The following PLCL1 variants were observed in gnomAD, a reference collection of about 807,000 sequenced individuals.
PLCL1 encodes phospholipase C like 1 (inactive).
PLCL1 carries 41 observed loss-of-function variants against 84.4 expected under a neutral mutation model. That is an observed-to-expected ratio of 0.49 (90% CI 0.38 to 0.63). PLCL1 has a LOEUF of 0.63. PLCL1 is among the 30% of genes least tolerant of loss of function. The pLI, the probability that PLCL1 is intolerant of heterozygous loss-of-function variation, is 0.00. For synonymous variants in PLCL1, 490 were observed against 488.3 expected, an observed-to-expected ratio of 1.00 and a Z score of -0.05; for missense variants, 1,206 against 1,367.8, an observed-to-expected ratio of 0.88 and a Z score of 1.87.
At chr2:198,007,827 A>G (rs1574242125) in intron 1 of PLCL1, among the ~76,000 whole-genome samples, 2 of 152,172 alleles carry the variant, frequency 1.3e-5, no homozygotes, top group Non-Finnish European at 2.9e-5. Context: ...CATAAAAGAT[A>G]TAATGTTTAT....
At chr2:198,130,310 G>C (rs568468180) in intron 5 of PLCL1, among the ~76,000 whole-genome samples, 4 of 152,170 alleles carry the variant, frequency 2.6e-5, no homozygotes, top group African/African-American at 7.2e-5. Flanking sequence ...TCGTTTGCAG[G>C]TTCCCTTTCC....
chr2:197,967,277 A>G (rs1366959058), intron 1 of PLCL1, among the ~76,000 whole-genome samples: 1 of 152,018 alleles, frequency 6.6e-6, no homozygotes, highest in Non-Finnish European at 1.5e-5. Context: ...GCTCACTGCA[A>G]CCTCCGCCTC....
At chr2:198,007,658 C>T (rs1189776324) in intron 1 of PLCL1, among the ~76,000 whole-genome samples, 1 of 152,126 alleles carries the variant, frequency 6.6e-6, no homozygotes, top group African/African-American at 2.4e-5. Context: ...GGGTCAGTTA[C>T]ATCAACTTCA....
Position 197,907,295 on chromosome 2 carries a change from G to T in PLCL1, c.240+101956G>T, listed in dbSNP as rs530351593. On this transcript the variant is annotated intron_variant, in intron 1 of 5. Transcript: ENST00000428675. ...GCTCTGTCACCCAGGCTGAAGTGCA[G>T]TGGTGTGATCTTGGCTCACTGCAAC... 3.3e-5 allele frequency among the ~76,000 whole-genome samples: 5 copies of T among 152,014 alleles called. No homozygotes were observed. The South Asian group carries it at 1.0e-3, about 32-fold the overall frequency.
At chr2:197,862,570 G>T (rs1041561662) in intron 1 of PLCL1, among the ~76,000 whole-genome samples, 3 of 152,144 alleles carry the variant, frequency 2.0e-5, no homozygotes, top group Admixed American at 6.6e-5. Context: ...TGAAGACCCA[G>T]TTTTTCTTTC....
chr2:197,825,370 AG>A (rs2106421280), intron 1 of PLCL1, among the ~76,000 whole-genome samples: 1 of 152,334 alleles, frequency 6.6e-6, no homozygotes, highest in East Asian at 1.9e-4. Flanking sequence ...TAGAAGGCAT[AG>A]GCAGTATTCT....
At chr2:197,997,779 G>C (rs1275744674) in intron 1 of PLCL1, among the ~76,000 whole-genome samples, 1 of 152,164 alleles carries the variant, frequency 6.6e-6, no homozygotes, top group Non-Finnish European at 1.5e-5. Flanking sequence ...GGAAACAGCA[G>C]AGAGAGGGCC....
At position 198,086,064 on chromosome 2, in the gene PLCL1, T is replaced by C. The variant is rs1692870551; in HGVS notation, c.2547T>C (p.Asn849=). ...TTTTTGTCCACATAGCAATAACTAA[T>C]CGAAGTGGAGGAGGAAAGGCACAGA... The part of the protein sequence containing the change: ...VTLFVHIAIT[N]RSGGGKAQKR... Residue 849 remains asparagine, a synonymous_variant, in exon 2 of 6, where the codon AAT becomes AAC. Transcript: ENST00000428675. 3.1e-6 allele frequency: 5 copies of C among 1,614,028 alleles called. No individual in the cohort carries two copies. Among genetic ancestry groups the C allele is most frequent in the Non-Finnish European group, 4.2e-6 (5 of 1,179,964 alleles).
At position 198,148,868 on chromosome 2, in the gene PLCL1, A is replaced by G. The variant is rs192891663; in HGVS notation, c.*1906A>G. ...ACTCTCAAACAATATTTATACATTTATTTACTCCAGGGTCAAATCCAATCC... is the reference window on the plus strand; with the variant it reads ...ACTCTCAAACAATATTTATACATTTGTTTACTCCAGGGTCAAATCCAATCC... On this transcript the variant is annotated 3_prime_UTR_variant, in exon 6 of 6. Transcript: ENST00000428675. 2.6e-5 allele frequency: 4 copies of G among 152,412 alleles called. No individual in the cohort carries two copies. In the East Asian group the frequency reaches 7.5e-4, roughly 29 times the overall value. The allele number at this position is 152,412 out of a possible 1,614,324, so 9.4% of individuals were successfully genotyped here.
rs1476261723 is a variant in PLCL1, at chr2:198,085,604, G to A, written c.2087G>A (p.Arg696Lys). 9 of 1,614,104 alleles carry A rather than the reference G, an allele frequency of 5.6e-6. No homozygotes were observed. The highest frequency in any genetic ancestry group is 3.3e-5 in the Admixed American group (2 of 60,006). Residue 696 changes from arginine (R) to lysine (K), a missense_variant, in exon 2 of 6, where the codon AGG becomes AAG. By Grantham distance (26) the Arg-to-Lys change is conservative. Transcript: ENST00000428675. The surrounding 1 kb of genome is among the most constrained non-coding windows in gnomAD (Gnocchi z 5.3). ...LQNGGCGYVL[R>K]PSIMRDEVSY... ...AACGGGGGATGTGGTTATGTTCTAA[G>A]GCCGTCTATAATGCGAGATGAAGTT...
intron 1 of PLCL1, among the ~76,000 whole-genome samples, chr2:197,962,469 T>C (rs554333428): frequency 6.6e-6 from 1 of 152,130 alleles, no homozygotes; most frequent in African/African-American, 2.4e-5. Context: ...TTTTTGTGGG[T>C]ACACAGTAGG....
intron 1 of PLCL1, among the ~76,000 whole-genome samples, chr2:198,069,833 G>T (rs1306542829): frequency 6.6e-6 from 1 of 152,192 alleles, no homozygotes; most frequent in Admixed American, 6.5e-5. Flanking sequence ...ATTAGTAGAA[G>T]AGTATTTTAA....
At chr2:197,973,643 A>G (rs1251649693) in intron 1 of PLCL1, among the ~76,000 whole-genome samples, 3 of 152,168 alleles carry the variant, frequency 2.0e-5, no homozygotes, top group Non-Finnish European at 4.4e-5. Flanking sequence ...AGGGATTGGC[A>G]AGGGAATGGT....
chr2:198,061,514 T>G (rs1331608852), intron 1 of PLCL1, among the ~76,000 whole-genome samples: 1 of 152,152 alleles, frequency 6.6e-6, no homozygotes, highest in Admixed American at 6.5e-5. Context: ...CTAGAGAAGC[T>G]GGCTTCATTG....
At chr2:198,122,231 C>T (rs1366835530) in intron 5 of PLCL1, among the ~76,000 whole-genome samples, 1 of 152,038 alleles carries the variant, frequency 6.6e-6, no homozygotes, top group Non-Finnish European at 1.5e-5. Context: ...ACATTGGTCA[C>T]TATTGCCTTT....
chr2:197,976,533 C>T lies in PLCL1; in HGVS notation c.241-107225C>T, dbSNP rs1038821094. Among the ~76,000 whole-genome samples the T allele has an allele frequency of 9.8e-5, 15 of 152,312 alleles. No homozygotes were observed. The Middle Eastern group carries it at 0.014, about 138-fold the overall frequency. Reference sequence around the variant, plus strand: ...GCATGAACTCGGCTCACTGCAACCTCTGCCTCCTGGATTCCAGTGATTCTC... The same window carrying T: ...GCATGAACTCGGCTCACTGCAACCTTTGCCTCCTGGATTCCAGTGATTCTC... On this transcript the variant is annotated intron_variant, in intron 1 of 5. Coordinates refer to ENST00000428675, the MANE Select transcript of PLCL1 (RefSeq NM_006226.4).
At chr2:198,047,405 A>G (rs1691832783) in intron 1 of PLCL1, among the ~76,000 whole-genome samples, 1 of 152,070 alleles carries the variant, frequency 6.6e-6, no homozygotes, top group East Asian at 1.9e-4. Flanking sequence ...GATGATCTCA[A>G]TCTCTTGATC....
rs201131368 is a variant in PLCL1 at position 197,867,680 on chromosome 2, C to T, written c.240+62341C>T. Among the ~76,000 whole-genome samples, 5 of 152,254 alleles carry T rather than the reference C, an allele frequency of 3.3e-5. No individual in the cohort carries two copies. The East Asian group carries it at 7.7e-4, about 24-fold the overall frequency. On this transcript the variant is annotated intron_variant, in intron 1 of 5. Transcript: ENST00000428675. ...AGTTGTTGCTGACACATCCCTGCTA[C>T]ACCTCGCTTCTCTGGCTGTGGTTTG... is the stretch of plus-strand genomic sequence containing the variant.
chr2:198,142,875 G>A (rs1041015644), intron 5 of PLCL1, among the ~76,000 whole-genome samples: 5 of 151,728 alleles, frequency 3.3e-5, no homozygotes, highest in Non-Finnish European at 7.4e-5. Context: ...TAGAAATGCC[G>A]GCAGCAGCTT....
Sources: allele counts gnomAD v4.1 joint callset (sites outside exome capture counted in the v4.1 genomes callset), GRCh38; gene constraint gnomAD v4.1.1; non-coding constraint Gnocchi (gnomAD v3.1); transcripts MANE v1.5; gene names NCBI Gene and HGNC (gene_info 2026-07-23, HGNC 2026-07-21).